Variants in GALK1 observed in about 807,000 individuals in gnomAD.
GALK1 encodes the protein galactokinase 1, also known as galactokinase.
GALK1 carries 30 observed loss-of-function variants against 38.6 expected under a neutral mutation model. The observed-to-expected ratio is 0.78, with a 90% CI of 0.58 to 1.05. The LOEUF is 1.05. Among genes scored for constraint, GALK1 ranks in the 50% least tolerant of loss-of-function variants. GALK1 has a pLI of 0.00. For missense variants in GALK1, 512 were observed against 540.5 expected (o/e 0.95, Z 0.52); for synonymous variants, 240 against 233.6 (o/e 1.03, Z -0.25).
downstream of GALK1, chr17:75,754,436 A>T: frequency 1.9e-6 from 2 of 1,026,294 alleles, no homozygotes; most frequent in Non-Finnish European, 1.5e-6. Context: ...CTCTGTCCCT[A>T]GTGGTTTGAG....
chr17:75,760,461 T>C (rs1465418940), intron 5 of GALK1, among the ~76,000 whole-genome samples: 1 of 150,846 alleles, frequency 6.6e-6, no homozygotes, highest in Non-Finnish European at 1.5e-5. Context: ...TAAGAAACTA[T>C]TAAGAGAATG....
At chr17:75,764,437 T>C (rs1414896069) in intron 1 of GALK1, 1 of 576,672 alleles carries the variant, frequency 1.7e-6, no homozygotes, top group Non-Finnish European at 3.4e-6. Context: ...CTCCCCAAGC[T>C]GCAGATGGGG....
At position 75,758,308 on chromosome 17, in the gene GALK1, C is replaced by A. The variant is rs868315051; in HGVS notation, c.1009G>T (p.Gly337Trp). ...QLVEAALAVP[G>W]VYGSRMTGGG... ...CCCGTCATGCGGCTGCCATAAACCC[C>A]AGGCACAGCAAGCGCAGCCTCCACC... The change falls in exon 7 of 8, where the codon GGG becomes TGG. Residue 337 changes from glycine (G) to tryptophan (W), a missense_variant. Transcript: ENST00000588479. The A allele has an allele frequency of 6.3e-7, 1 of 1,594,144 alleles. No individual in the cohort carries two copies.
intron 3 of GALK1, 84 bp from the exon 4 acceptor site, chr17:75,763,233 C>A (rs1465558699): frequency 6.2e-7 from 1 of 1,610,564 alleles, no homozygotes; most frequent in African/African-American, 1.3e-5. Context: ...GTCCCTGCCA[C>A]CCCCTCCATA....
At position 75,752,292 on chromosome 17, in the gene GALK1, C is replaced by G. The variant is rs1003801308; in HGVS notation, c.*23-555G>C. 2.3e-5 allele frequency: 37 copies of G among 1,613,266 alleles called. No individual in the cohort carries two copies. Among genetic ancestry groups the G allele is most frequent in the Non-Finnish European group, 3.1e-5 (37 of 1,180,024 alleles). On this transcript the variant is annotated intron_variant, in intron 8 of 8. Coordinates refer to the GALK1 transcript ENST00000225614. ...ACACGGTGAAGGCGCGCAACGGGGC[C>G]GGCTGGGGGCCTGAGCGGGAGGCCA...
At chr17:75,764,897 C>T (rs553868612) in intron 1 of GALK1, 75 bp downstream of exon 1, 1 of 1,502,024 alleles carries the variant, frequency 6.7e-7, no homozygotes, top group African/African-American at 1.4e-5. Flanking sequence ...TCGCCCCCAG[C>T]GTCCCCGAGG....
At chr17:75,762,660 GGAGCACAGCCGCCTCCAGGATA>G (rs2061592107) in intron 5 of GALK1, 22 bp downstream of exon 5, 8 of 1,604,198 alleles carry the variant, frequency 5.0e-6, no homozygotes, top group Non-Finnish European at 6.8e-6. Context: ...GCGCCAGCAG[GGAGCACAGCCGCCTCCAGGATA>G]GAGCACCCTG....
chr17:75,756,375 G>A (rs2061502214), downstream of GALK1: 3 of 1,596,976 alleles, frequency 1.9e-6, no homozygotes, highest in Admixed American at 3.3e-5. Context: ...GGAGGATCAG[G>A]CCAGGGGTGG....
chr17:75,755,967 G>A (rs1399060172), downstream of GALK1: 1 of 1,276,426 alleles, frequency 7.8e-7, no homozygotes, highest in Non-Finnish European at 1.1e-6. Context: ...GAGCGCTAAA[G>A]CCCCCATCCA....
intron 7 of GALK1, 25 bp downstream of exon 7, chr17:75,758,185 C>A: frequency 1.9e-6 from 3 of 1,609,252 alleles, no homozygotes; most frequent in Non-Finnish European, 2.5e-6. Context: ...CGCTCCTGCC[C>A]GCCCAGGCCC....
At chr17:75,752,382 G>A (rs748864696) in intron 8 of GALK1, 13 of 1,612,510 alleles carry the variant, frequency 8.1e-6, no homozygotes, top group Admixed American at 1.7e-5. Context: ...GGAGGTGAGG[G>A]GCAGACCGGG....
chr17:75,761,239 A>T (rs1599334360), intron 5 of GALK1, among the ~76,000 whole-genome samples: 1 of 152,044 alleles, frequency 6.6e-6, no homozygotes, highest in Admixed American at 6.6e-5. Context: ...AAGATAAATA[A>T]AAAAAGTTAA....
At chr17:75,756,981 G>A (rs776496019), downstream of GALK1, 51 of 1,612,684 alleles carry the variant, frequency 3.2e-5, no homozygotes, top group East Asian at 1.1e-4. Flanking sequence ...AGACAGCCCC[G>A]AGAGCCGGCT....
downstream of GALK1, chr17:75,754,975 TAC>T (rs1386219245): frequency 2.0e-5 from 30 of 1,535,882 alleles, no homozygotes; most frequent in Middle Eastern, 1.7e-4. Flanking sequence ...TGCACACATG[TAC>T]ACAGACATGC....
In GALK1 at chr17:75,758,518, G is replaced by C; in HGVS notation, c.875C>G (p.Ala292Gly). The change falls in exon 6 of 8, where the codon GCG (alanine) becomes GGG (glycine). Residue 292 changes from alanine to glycine, a missense_variant. Ala to Gly is a moderately conservative substitution (Grantham distance 60). Transcript: ENST00000588479. ...VGEIRRTAQA[A>G]AALRRGDYRA... ...GTAGTCGCCACGTCTCAGGGCGGCC[G>C]CTGCCTGGGCCGTGCGCCGAATCTC... The C allele has an allele frequency of 6.3e-7, 1 of 1,584,294 alleles. No individual in the cohort carries two copies. The highest frequency in any genetic ancestry group is 8.6e-7 in the Non-Finnish European group (1 of 1,169,430).
intron 5 of GALK1, among the ~76,000 whole-genome samples, chr17:75,759,328 T>C (rs1264793986): frequency 6.6e-6 from 1 of 151,766 alleles, no homozygotes; most frequent in Non-Finnish European, 1.5e-5. Context: ...CTCAGGAGGC[T>C]GAGGCAGGAG....
chr17:75,756,703 G>A, downstream of GALK1: 1 of 1,613,404 alleles, frequency 6.2e-7, no homozygotes, highest in Admixed American at 1.7e-5. Flanking sequence ...ACTGCCCCCA[G>A]GCTCCGCCTT....
In GALK1 at chr17:75,758,065, C is replaced by T. The variant is rs1350917736; in HGVS notation, c.1170G>A (p.Leu390=). The T allele has an allele frequency of 6.2e-7, 1 of 1,612,834 alleles. No individual in the cohort carries two copies. Among genetic ancestry groups the T allele is most frequent in the Non-Finnish European group, 8.5e-7 (1 of 1,179,982 alleles). Residue 390 remains leucine (L), a synonymous_variant, in exon 8 of 8, where the codon CTG becomes CTA. Coordinates refer to ENST00000588479, the MANE Select transcript of GALK1 (RefSeq NM_000154.2). ...CTGTCCTGGGGGTGCCTCACAAGCA[C>T]AGCACCTTGGCTCCATCGGCTGCTT... ...LSQAADGAKV[L]CL
At chr17:75,758,413 G>C (rs1454970993) in intron 6 of GALK1, 36 bp downstream of exon 6, 9 of 1,577,428 alleles carry the variant, frequency 5.7e-6, no homozygotes, top group South Asian at 1.2e-5. Context: ...GGGCCGGCCT[G>C]TGCCCGGCAG....
Sources: allele counts gnomAD v4.1 joint callset (sites outside exome capture counted in the v4.1 genomes callset), GRCh38; gene constraint gnomAD v4.1.1; transcripts MANE v1.5; gene names NCBI Gene and HGNC (gene_info 2026-07-23, HGNC 2026-07-21).